PTPRB: variants seen among roughly 807,000 people sequenced by gnomAD.
The protein encoded by PTPRB is protein tyrosine phosphatase receptor type B.
PTPRB carries 97 observed loss-of-function variants against 238.1 expected under a neutral mutation model. The observed-to-expected ratio is 0.41, with a 90% CI of 0.35 to 0.48. The LOEUF (loss-of-function observed/expected upper bound fraction) is 0.48, where lower values mean the gene tolerates loss of function less well. PTPRB is among the 20% of genes least tolerant of loss of function. PTPRB has a pLI of 0.30. For synonymous variants in PTPRB, 970 were observed against 995.4 expected, an observed-to-expected ratio of 0.97 and a Z score of 0.48; for missense variants, 2,292 against 2,681.9, an observed-to-expected ratio of 0.85 and a Z score of 3.21.
At chr12:70,561,670 C>A (rs1449090594) in intron 16 of PTPRB, among the ~76,000 whole-genome samples, 2 of 152,182 alleles carry the variant, frequency 1.3e-5, no homozygotes, top group African/African-American at 2.4e-5. Context: ...CTGTTGGGTG[C>A]CCTTGGAATA....
intron 11 of PTPRB, among the ~76,000 whole-genome samples, chr12:70,574,911 T>C (rs751815447): frequency 4.6e-5 from 7 of 152,196 alleles, no homozygotes; most frequent in Non-Finnish European, 8.8e-5. Context: ...GTCATACGGA[T>C]AGGAAATCAT....
rs140006796 is a variant in PTPRB, at chr12:70,545,009, G to A, written c.5388-346C>T. ...GATGTGTGCTATGAAAAAGAAAAGA[G>A]CAGGGTAAGGAAGATGGAAAGCAAT... On this transcript the variant is annotated intron_variant, in intron 21 of 33. Coordinates refer to ENST00000334414, the MANE Select transcript of PTPRB (RefSeq NM_001109754.4). 4.0e-3 allele frequency among the ~76,000 whole-genome samples: 602 copies of A among 152,306 alleles called. 5 individuals are homozygous for A. Among genetic ancestry groups the A allele is most frequent in the African/African-American group, 0.013 (556 of 41,554 alleles).
At position 70,587,239 on chromosome 12, in the gene PTPRB, G is replaced by T; in HGVS notation, c.2079C>A (p.Val693=). 1 of 1,613,848 alleles carries T rather than the reference G, an allele frequency of 6.2e-7. No homozygotes were observed. Among genetic ancestry groups the T allele is most frequent in the Non-Finnish European group, 8.5e-7 (1 of 1,179,800 alleles). ...TVPLAVLQLR[V]KHANETSLSI... ...TCAGTGAGGTTTCATTGGCATGTTT[G>T]ACACGAAGCTGGAGGACAGCCAGGG... The change falls in exon 9 of 34, where the codon GTC becomes GTA. Residue 693 remains valine, a synonymous_variant. Transcript: ENST00000334414.
intron 21 of PTPRB, among the ~76,000 whole-genome samples, chr12:70,549,992 A>T (rs1378705827): frequency 6.6e-6 from 1 of 152,216 alleles, no homozygotes; most frequent in Admixed American, 6.5e-5. Flanking sequence ...TTGTTTTGTA[A>T]CCAATGACAC....
At position 70,521,312 on chromosome 12, in the gene PTPRB, T is replaced by C. The variant is rs1371078951; in HGVS notation, c.*177A>G. 2 of 452,174 alleles carry C rather than the reference T, an allele frequency of 4.4e-6. No homozygotes were observed. Among genetic ancestry groups the C allele is most frequent in the Non-Finnish European group, 7.8e-6 (2 of 257,186 alleles). The allele number at this position is 452,174 out of a possible 1,614,324, so 28.0% of individuals were successfully genotyped here. On this transcript the variant is annotated 3_prime_UTR_variant, in exon 34 of 34. Transcript: ENST00000334414. ...TACAGAAGAAACTACAAAATACAAC[T>C]ATGTACAATAATATCTGTTACCTTT...
In PTPRB at chr12:70,562,969, G is replaced by T. The variant is rs1229404297; in HGVS notation, c.4043C>A (p.Ala1348Asp). 5 of 1,614,020 alleles carry T rather than the reference G, an allele frequency of 3.1e-6. No homozygotes were observed. The highest frequency in any genetic ancestry group is 4.2e-6 in the Non-Finnish European group (5 of 1,179,902). Residue 1348 changes from alanine (A) to aspartate (D), a missense_variant, in exon 16 of 34, where the codon GCT becomes GAT. Physicochemically the swap from Ala to Asp is moderately radical, Grantham distance 126 (BLOSUM62 -2). This residue lies in a region of PTPRB where 683 missense variants were observed against 862.0 expected (regional missense o/e 0.79). Coordinates refer to ENST00000334414, the MANE Select transcript of PTPRB (RefSeq NM_001109754.4). ...YNPDGNLQER[A>D]QVDPLVQSFS... ...GCTCTGGACTAGTGGGTCAACTTGA[G>T]CTCTCTCCTGGAGATTCCCATCTGG... is the stretch of plus-strand genomic sequence containing the variant.
chr12:70,627,904 C>T (rs919018721), intron 2 of PTPRB, among the ~76,000 whole-genome samples: 1 of 152,168 alleles, frequency 6.6e-6, no homozygotes, highest in African/African-American at 2.4e-5. Context: ...TTCACAAGTA[C>T]TTCTGCCGGC....
chr12:70,608,510 C>T (rs914939637), intron 4 of PTPRB, among the ~76,000 whole-genome samples: 10 of 152,154 alleles, frequency 6.6e-5, no homozygotes, highest in Non-Finnish European at 1.2e-4. Flanking sequence ...AATCAAAGGA[C>T]GTTCTCTGAT....
intron 23 of PTPRB, chr12:70,540,648 G>A (rs918478437): frequency 1.9e-6 from 1 of 527,482 alleles, no homozygotes; most frequent in Non-Finnish European, 3.4e-6. Context: ...TCAGTCCTTT[G>A]GTAAGGGCTG....
intron 22 of PTPRB, 116 bp downstream of exon 22, chr12:70,544,441 G>T: frequency 1.3e-6 from 1 of 743,146 alleles, no homozygotes; most frequent in East Asian, 2.8e-5. Context: ...GTCACATAAA[G>T]ATTAAGTTCC....
At chr12:70,521,620 ACC>A (rs1871669151) in intron 33 of PTPRB, 109 bp from the exon 34 acceptor site, 2 of 941,672 alleles carry the variant, frequency 2.1e-6, no homozygotes, top group African/African-American at 1.7e-5. Flanking sequence ...ATATAGCTCA[ACC>A]TAGTTTAAGA....
chr12:70,603,758 C>A (rs933284358), intron 4 of PTPRB, among the ~76,000 whole-genome samples: 1 of 152,072 alleles, frequency 6.6e-6, no homozygotes, highest in Non-Finnish European at 1.5e-5. Flanking sequence ...TTATACTATC[C>A]CCATTTTGTA....
intron 27 of PTPRB, chr12:70,538,469 T>C: frequency 2.0e-6 from 1 of 488,232 alleles, no homozygotes; most frequent in Non-Finnish European, 3.6e-6. Context: ...CTTTCTGACA[T>C]TACCACATTT....
intron 4 of PTPRB, among the ~76,000 whole-genome samples, chr12:70,608,368 C>G (rs1034795490): frequency 8.8e-5 from 13 of 147,540 alleles, no homozygotes; most frequent in African/African-American, 3.3e-4. Context: ...TTGGTAAGAA[C>G]TTGGACTTGA....
At chr12:70,521,728 T>C (rs942842012) in intron 33 of PTPRB, among the ~76,000 whole-genome samples, 49 of 152,232 alleles carry the variant, frequency 3.2e-4, no homozygotes, top group African/African-American at 1.1e-3. Context: ...GCCTCTGTTT[T>C]TATGGATGAA....
intron 5 of PTPRB, among the ~76,000 whole-genome samples, chr12:70,595,089 A>G (rs1411341832): frequency 6.6e-6 from 1 of 152,204 alleles, no homozygotes; most frequent in African/African-American, 2.4e-5. Context: ...AAAATGTGGC[A>G]CATATACACC....
chr12:70,538,167 G>A lies in PTPRB; in HGVS notation c.5934C>T (p.Ala1978=). 6.2e-7 allele frequency: 1 copy of A among 1,613,454 alleles called. No individual in the cohort carries two copies. Among genetic ancestry groups the A allele is most frequent in the Non-Finnish European group, 8.5e-7 (1 of 1,179,578 alleles). ...DDDPCSDYIN[A]SYIPGNNFRR... ...GTGGGTCACTTACAGGGATGTAGCT[G>A]GCATTGATGTAGTCAGAGCAAGGAT... Residue 1978 remains alanine, a synonymous_variant, in exon 28 of 34, where the codon GCC becomes GCT. Coordinates refer to ENST00000334414, the MANE Select transcript of PTPRB (RefSeq NM_001109754.4).
intron 15 of PTPRB, among the ~76,000 whole-genome samples, chr12:70,564,853 A>G (rs1240080625): frequency 4.1e-5 from 2 of 48,878 alleles, no homozygotes; most frequent in African/African-American, 3.5e-4. Flanking sequence ...AAATAATAAT[A>G]ATAATAATAA....
chr12:70,590,060 C>T lies in PTPRB; in HGVS notation c.1954G>A (p.Asp652Asn), dbSNP rs1236644877. Residue 652 changes from aspartate to asparagine, a missense_variant, in exon 8 of 34, where the codon GAT (aspartate) becomes AAT (asparagine). By Grantham distance (23) the Asp-to-Asn change is conservative. Coordinates refer to ENST00000334414, the MANE Select transcript of PTPRB (RefSeq NM_001109754.4). ...VGKEETQYVM[D>N]DTGLVPGRQY... ...CTTCCCGGTACGAGCCCCGTGTCAT[C>T]CATGACATACTGTGTTTCTTCCTTT... The T allele has an allele frequency of 6.2e-7, 1 of 1,613,986 alleles. No individual in the cohort carries two copies. Among genetic ancestry groups the T allele is most frequent in the South Asian group, 1.1e-5 (1 of 91,082 alleles).
Sources: gnomAD v4.1 joint callset for allele counts (sites outside exome capture counted in the v4.1 genomes callset) on GRCh38, gnomAD v4.1.1 for gene constraint, gnomAD v4.1.1 regional missense constraint, MANE v1.5 for transcripts, NCBI Gene and HGNC (gene_info 2026-07-23, HGNC 2026-07-21) for gene names.